TENM2: variants seen among roughly 807,000 people sequenced by gnomAD.
TENM2 encodes teneurin-2.
Under a neutral mutation model 245.2 loss-of-function variants are expected in TENM2, and 52 were observed. That is an observed-to-expected ratio of 0.21 (90% CI 0.17 to 0.27). The LOEUF (loss-of-function observed/expected upper bound fraction) is 0.27. Ranked by LOEUF, TENM2 falls within the 10% of genes least tolerant of loss-of-function variation. The pLI, the probability that TENM2 is intolerant of heterozygous loss-of-function variation, is 1.00. For missense variants in TENM2, 3,046 were observed against 3,666.8 expected (o/e 0.83, Z 4.37); for synonymous variants, 1,363 against 1,438.9 (o/e 0.95, Z 1.19).
intron 1 of TENM2, among the ~76,000 whole-genome samples, chr5:167,356,148 A>T (rs1163238983): frequency 7.6e-6 from 1 of 131,878 alleles, no homozygotes; most frequent in Non-Finnish European, 1.5e-5. Flanking sequence ...AGATGGGGCC[A>T]CTGCACTCCA....
intron 2 of TENM2, among the ~76,000 whole-genome samples, chr5:167,414,266 G>A (rs1414194736): frequency 6.6e-6 from 1 of 152,026 alleles, no homozygotes; most frequent in Admixed American, 6.6e-5. Context: ...CTCTCTAAGT[G>A]CATGAAATGA....
At chr5:167,312,293 T>C (rs1756080989) in intron 1 of TENM2, among the ~76,000 whole-genome samples, 1 of 152,224 alleles carries the variant, frequency 6.6e-6, no homozygotes, top group African/African-American at 2.4e-5. Flanking sequence ...ATCACATGAT[T>C]TGACAGATGT....
chr5:166,996,857 TA>T, the TENM2 span, among the ~76,000 whole-genome samples: 1 of 152,236 alleles, frequency 6.6e-6, no homozygotes, highest in Non-Finnish European at 1.5e-5. Context: ...GATTTGAATT[TA>T]ACTTTCCATT....
intron 9 of TENM2, among the ~76,000 whole-genome samples, chr5:168,100,057 G>A (rs1793683515): frequency 6.6e-6 from 1 of 152,180 alleles, no homozygotes; most frequent in African/African-American, 2.4e-5. Flanking sequence ...GAATGCTTGT[G>A]ATTTTTGCAC....
chr5:167,520,882 A>G (rs1770706264), intron 2 of TENM2, among the ~76,000 whole-genome samples: 1 of 149,710 alleles, frequency 6.7e-6, no homozygotes, highest in Non-Finnish European at 1.5e-5. Flanking sequence ...GTACCAGTTC[A>G]TATTCCCAAC....
intron 2 of TENM2, among the ~76,000 whole-genome samples, chr5:167,520,933 T>G (rs1423426316): frequency 2.1e-5 from 1 of 47,076 alleles, no homozygotes; most frequent in Non-Finnish European, 7.3e-5. Flanking sequence ...TTCTTTTTCC[T>G]TTTTTTTTTT....
chr5:168,001,766 C>T (rs1373750058), intron 5 of TENM2, among the ~76,000 whole-genome samples: 1 of 152,184 alleles, frequency 6.6e-6, no homozygotes, highest in Admixed American at 6.5e-5. Flanking sequence ...AGAATTTTTG[C>T]CTGAGCCCTT....
chr5:168,244,527 G>C lies in TENM2; in HGVS notation c.5628G>C (p.Val1876=), dbSNP rs764717516. 4 of 1,612,530 alleles carry C rather than the reference G, an allele frequency of 2.5e-6. No homozygotes were observed. The Admixed American group carries it at 6.7e-5, about 27-fold the overall frequency. ...CCCTGAGGATCATTTATGACCAGGT[G>C]GGCCGCCCCTTCCTCTGGCTGCCCA... The change falls in exon 26 of 29, where the codon GTG becomes GTC. Residue 1876 remains valine (V), a synonymous_variant. Transcript: ENST00000518659. The surrounding 1 kb of genome is among the most constrained non-coding windows in gnomAD (Gnocchi z 4.9).
At chr5:167,269,674 C>G in the TENM2 span, among the ~76,000 whole-genome samples, 5 of 152,212 alleles carry the variant, frequency 3.3e-5, no homozygotes, top group Admixed American at 3.3e-4. Context: ...TTGCATTCCA[C>G]TCTGAAAGTC....
At chr5:167,565,983 G>T (rs1773882687) in intron 2 of TENM2, among the ~76,000 whole-genome samples, 1 of 151,880 alleles carries the variant, frequency 6.6e-6, no homozygotes, top group African/African-American at 2.4e-5. Context: ...TAGGGGATTT[G>T]TCAGCTGTTA....
rs549928384 is a variant in TENM2 at position 168,154,908 on chromosome 5, G to A, written c.2423-7703G>A. ...ACCACTGAAACAAAGAGGAACATCT[G>A]CCTCTCTCAATTTGCCACGTCTTTT... is the stretch of plus-strand genomic sequence containing the variant. On this transcript the variant is annotated intron_variant, in intron 12 of 28. Transcript: ENST00000518659. 2.7e-4 allele frequency among the ~76,000 whole-genome samples: 41 copies of A among 152,306 alleles called. 1 individual carries two copies. The East Asian group carries it at 5.2e-3, about 19-fold the overall frequency.
chr5:168,100,132 A>G (rs1285521937), intron 9 of TENM2, among the ~76,000 whole-genome samples: 3 of 152,196 alleles, frequency 2.0e-5, no homozygotes, highest in African/African-American at 7.2e-5. Flanking sequence ...TTGGGCTGAG[A>G]CGATGGGGTT....
At chr5:167,344,323 T>TATAG (rs1554136991) in intron 1 of TENM2, among the ~76,000 whole-genome samples, 2 of 123,646 alleles carry the variant, frequency 1.6e-5, no homozygotes, top group African/African-American at 5.5e-5. Flanking sequence ...TATATATATA[T>TATAG]ATATATAGAT....
intron 27 of TENM2, among the ~76,000 whole-genome samples, chr5:168,255,285 C>T (rs1366945817): frequency 6.6e-6 from 1 of 151,970 alleles, no homozygotes; most frequent in Non-Finnish European, 1.5e-5. Context: ...GTATTTACAC[C>T]TCATTAACAC....
At chr5:167,534,535 C>T (rs920606886) in intron 2 of TENM2, among the ~76,000 whole-genome samples, 3 of 152,048 alleles carry the variant, frequency 2.0e-5, no homozygotes, top group Non-Finnish European at 2.9e-5. Flanking sequence ...ATTGTTTATC[C>T]AAAATCCAAA....
the TENM2 span, among the ~76,000 whole-genome samples, chr5:167,085,831 A>T: frequency 2.0e-5 from 3 of 152,194 alleles, no homozygotes; most frequent in Non-Finnish European, 4.4e-5. Context: ...CTTATTTAAG[A>T]TTGGACATGC....
chr5:168,090,519 A>G (rs920044086), intron 7 of TENM2, 55 bp from the exon 10 acceptor site: 125 of 1,481,230 alleles, frequency 8.4e-5, no homozygotes, highest in Middle Eastern at 2.5e-4. Flanking sequence ...GGTACCAGGT[A>G]TGGGACCACA....
At chr5:167,892,585 T>G (rs538903738) in intron 3 of TENM2, among the ~76,000 whole-genome samples, 165 of 152,314 alleles carry the variant, frequency 1.1e-3, no homozygotes, top group Non-Finnish European at 2.8e-4. Flanking sequence ...GATAGGAGTG[T>G]TTCCATTTTC....
intron 27 of TENM2, among the ~76,000 whole-genome samples, chr5:168,253,396 GC>G (rs1767313104): frequency 6.7e-6 from 1 of 149,660 alleles, no homozygotes; most frequent in African/African-American, 2.4e-5. Context: ...AAAGCACAGA[GC>G]AAAAAAAGCT....
Sources: allele counts gnomAD v4.1 joint callset (sites outside exome capture counted in the v4.1 genomes callset), GRCh38; gene constraint gnomAD v4.1.1; non-coding constraint Gnocchi (gnomAD v3.1); transcripts MANE v1.5; gene names NCBI Gene and HGNC (gene_info 2026-07-23, HGNC 2026-07-21).